ALDH1A2: variants seen among roughly 807,000 people sequenced by gnomAD.
ALDH1A2 encodes aldehyde dehydrogenase 1 family member A2.
A neutral mutation model predicts 60.3 loss-of-function variants in ALDH1A2; 27 were observed. The ratio of observed to expected loss-of-function variants is 0.45; its 90% CI spans 0.33 to 0.62. ALDH1A2 has a LOEUF of 0.62. Among genes scored for constraint, ALDH1A2 ranks in the 20% least tolerant of loss-of-function variants. ALDH1A2 has a pLI of 0.02. For missense variants in ALDH1A2, 581 were observed against 643.8 expected, an observed-to-expected ratio of 0.90 and a Z score of 1.06; for synonymous variants, 289 against 232.4, an observed-to-expected ratio of 1.24 and a Z score of -2.21.
At chr15:57,973,999 A>C (rs1894155751) in intron 7 of ALDH1A2, among the ~76,000 whole-genome samples, 1 of 152,128 alleles carries the variant, frequency 6.6e-6, no homozygotes, top group African/African-American at 2.4e-5. Flanking sequence ...ATATCTCAGT[A>C]TTGGAAGATT....
chr15:58,060,177 TC>T (rs1301816520), intron 1 of ALDH1A2, among the ~76,000 whole-genome samples: 1 of 152,164 alleles, frequency 6.6e-6, no homozygotes, highest in African/African-American at 2.4e-5. Flanking sequence ...CGCCTCAGCC[TC>T]CCAAAGTGCT....
chr15:57,958,827 A>G (rs1893628777), intron 12 of ALDH1A2, among the ~76,000 whole-genome samples: 1 of 151,416 alleles, frequency 6.6e-6, no homozygotes, highest in South Asian at 2.1e-4. Context: ...GAGACAAACA[A>G]ACAAACAAAC....
chr15:58,002,182 A>G (rs1895297428), intron 4 of ALDH1A2, among the ~76,000 whole-genome samples: 1 of 151,928 alleles, frequency 6.6e-6, no homozygotes. Flanking sequence ...ATACTTCATT[A>G]TGCTATGAAT....
Position 57,992,979 on chromosome 15 carries a change from A to T in ALDH1A2, c.650T>A (p.Leu217His). 1 of 1,614,040 alleles carries T rather than the reference A, an allele frequency of 6.2e-7. No individual in the cohort carries two copies. The highest frequency in any genetic ancestry group is 8.5e-7 in the Non-Finnish European group (1 of 1,179,982). The change falls in exon 6 of 13, where the codon CTC becomes CAC. Residue 217 changes from leucine to histidine, a missense_variant. Physicochemically the swap from Leu to His is moderately conservative, Grantham distance 99. Transcript: ENST00000249750. ...VVIKPAEQTPLSALYMGALIK... is the reference protein window; with the variant it reads ...VVIKPAEQTPHSALYMGALIK... ...GAGGGCTCCCATGTAGAGTGCACTGAGTGGTGTTTGCTCTGCTGGCTTAAT... is the reference window on the plus strand; with the variant it reads ...GAGGGCTCCCATGTAGAGTGCACTGTGTGGTGTTTGCTCTGCTGGCTTAAT...
At chr15:58,043,616 A>T (rs1358840737) in intron 1 of ALDH1A2, among the ~76,000 whole-genome samples, 2 of 152,026 alleles carry the variant, frequency 1.3e-5, no homozygotes, top group Admixed American at 6.6e-5. Context: ...TGAATATACT[A>T]CAAAGACATC....
chr15:57,965,671 G>C (rs1315350232), intron 8 of ALDH1A2, 54 bp downstream of exon 8: 9 of 1,277,296 alleles, frequency 7.0e-6, no homozygotes, highest in Non-Finnish European at 9.2e-6. Context: ...AGATATAAAA[G>C]AGAGCACCAA....
rs1283761840 is a variant in ALDH1A2 at position 58,065,599 on chromosome 15, C to T, written c.52G>A (p.Ala18Thr). Residue 18 changes from alanine (A) to threonine (T), a missense_variant, in exon 1 of 13, where the codon GCC (alanine) becomes ACC (threonine). Physicochemically the swap from Ala to Thr is moderately conservative, Grantham distance 58 (BLOSUM62 0). Around this residue, in one of 2 missense-constraint regions of ALDH1A2, gnomAD observed 206 missense variants for 174.1 expected, o/e 1.18. Transcript: ENST00000249750. Reference sequence around the variant, plus strand: ...AGGAGGTGCAGCGACGCCATGAGGGCGGCGGGGTCGGCCTTCACCTCGCCG... The same window carrying T: ...AGGAGGTGCAGCGACGCCATGAGGGTGGCGGGGTCGGCCTTCACCTCGCCG... ...MPGEVKADPAALMASLHLLPS... is the reference protein window; with the variant it reads ...MPGEVKADPATLMASLHLLPS... 1 of 1,611,282 alleles carries T rather than the reference C, an allele frequency of 6.2e-7. No individual in the cohort carries two copies. The highest frequency in any genetic ancestry group is 8.5e-7 in the Non-Finnish European group (1 of 1,178,572).
intron 4 of ALDH1A2, among the ~76,000 whole-genome samples, chr15:58,000,564 AAAAT>A (rs1895230600): frequency 6.6e-6 from 1 of 152,014 alleles, no homozygotes; most frequent in South Asian, 2.1e-4. Context: ...TCTAAAATCT[AAAAT>A]AACAGGTTTC....
At chr15:58,047,951 T>G (rs1805710950) in intron 1 of ALDH1A2, among the ~76,000 whole-genome samples, 1 of 152,076 alleles carries the variant, frequency 6.6e-6, no homozygotes, top group Admixed American at 6.6e-5. Flanking sequence ...TGTAATATTT[T>G]ACTAGCAAAA....
intron 4 of ALDH1A2, among the ~76,000 whole-genome samples, chr15:58,001,778 T>C (rs1381869382): frequency 2.6e-5 from 4 of 151,860 alleles, no homozygotes; most frequent in East Asian, 1.9e-4. Flanking sequence ...TTGTAGGGTA[T>C]GAATGGTTTT....
intron 1 of ALDH1A2, among the ~76,000 whole-genome samples, chr15:58,025,072 T>TA (rs1279788350): frequency 1.3e-5 from 2 of 151,900 alleles, no homozygotes; most frequent in Non-Finnish European, 2.9e-5. Context: ...TGCCTACATC[T>TA]AAAAAAAGTA....
At chr15:58,050,268 T>C (rs1896742271) in intron 1 of ALDH1A2, among the ~76,000 whole-genome samples, 1 of 152,138 alleles carries the variant, frequency 6.6e-6, no homozygotes, top group Non-Finnish European at 1.5e-5. Context: ...CCTTGGTTTT[T>C]GCTTTTAATG....
intron 12 of ALDH1A2, among the ~76,000 whole-genome samples, chr15:57,958,228 A>ACACACACACACACACACAC (rs1893603376): frequency 6.6e-6 from 1 of 152,228 alleles, no homozygotes; most frequent in South Asian, 2.1e-4. Flanking sequence ...ACACACACAT[A>ACACACACACACACACACAC]AATTTGACAA....
intron 12 of ALDH1A2, among the ~76,000 whole-genome samples, chr15:57,956,208 A>G (rs1185169086): frequency 2.0e-5 from 3 of 152,228 alleles, no homozygotes; most frequent in African/African-American, 7.2e-5. Flanking sequence ...AAGGAAGGAA[A>G]GTAGAGAGGG....
chr15:57,998,060 G>A (rs1265768442), intron 4 of ALDH1A2, among the ~76,000 whole-genome samples: 1 of 151,928 alleles, frequency 6.6e-6, no homozygotes, highest in Admixed American at 6.6e-5. Context: ...AAATAATTAA[G>A]AGTCATTTAT....
At chr15:58,035,298 CCT>C (rs1487832303) in intron 1 of ALDH1A2, among the ~76,000 whole-genome samples, 1 of 150,790 alleles carries the variant, frequency 6.6e-6, no homozygotes, top group Non-Finnish European at 1.5e-5. Flanking sequence ...AGCAATAGTC[CCT>C]CTTTCATTTC....
At chr15:57,968,598 A>C (rs1249377239) in intron 7 of ALDH1A2, among the ~76,000 whole-genome samples, 1 of 152,230 alleles carries the variant, frequency 6.6e-6, no homozygotes, top group Admixed American at 6.5e-5. Flanking sequence ...CACCTCTTCT[A>C]GACAAAAATA....
chr15:58,015,187 T>C (rs1407446688), intron 1 of ALDH1A2, among the ~76,000 whole-genome samples: 1 of 152,224 alleles, frequency 6.6e-6, no homozygotes, highest in African/African-American at 2.4e-5. Context: ...ATTTCTGAAC[T>C]TATGAACCAG....
chr15:58,007,997 A>G (rs907156460), intron 4 of ALDH1A2, among the ~76,000 whole-genome samples: 1 of 152,132 alleles, frequency 6.6e-6, no homozygotes, highest in African/African-American at 2.4e-5. Context: ...GCACTAGACT[A>G]GCTAAAGACA....
Sources: allele counts gnomAD v4.1 joint callset (sites outside exome capture counted in the v4.1 genomes callset), GRCh38; gene constraint gnomAD v4.1.1; regional missense constraint gnomAD v4.1.1; transcripts MANE v1.5; gene names NCBI Gene and HGNC (gene_info 2026-07-23, HGNC 2026-07-21).